COL4A5: variants seen among roughly 807,000 people sequenced by gnomAD.
COL4A5 encodes the protein collagen type IV alpha 5 chain.
In COL4A5, 26 loss-of-function variants were observed where a neutral mutation model predicts 130.2. The ratio of observed to expected loss-of-function variants is 0.20; its 90% CI spans 0.15 to 0.28. The LOEUF (loss-of-function observed/expected upper bound fraction) is 0.28, where lower values mean the gene tolerates loss of function less well. Ranked by LOEUF, COL4A5 falls within the 10% of genes least tolerant of loss-of-function variation. The pLI is 1.00. For missense variants in COL4A5, 1,131 were observed against 1,344.3 expected (o/e 0.84, Z 2.48); for synonymous variants, 496 against 439.6 (o/e 1.13, Z -1.60).
At chrX:108,562,856 C>T (rs985833357) in intron 3 of COL4A5, among the ~76,000 whole-genome samples, 17 of 111,566 alleles carry the variant, frequency 1.5e-4, no homozygotes, top group Non-Finnish European at 2.6e-4. Flanking sequence ...ACGTTCATGT[C>T]ACTCAAGTTA....
In COL4A5 at chrX:108,655,311, C is replaced by CT. The variant is rs748852419; in HGVS notation, c.3247-15dup. 1 of 1,207,058 alleles carries CT rather than the reference C, an allele frequency of 8.3e-7. No homozygotes were observed. The highest frequency in any genetic ancestry group is 2.2e-5 in the Admixed American group (1 of 45,896). On this transcript the variant is annotated intron_variant, in intron 36 of 52. Transcript: ENST00000328300. ...AGTCGTGTAGAGACTTCAGTATTAT[C>CT]TTTTTATTCGTGTTTTCAGGGTGAG...
chrX:108,473,611 A>G lies in COL4A5; in HGVS notation c.81+33405A>G, dbSNP rs1286054061. Among the ~76,000 whole-genome samples, 13 of 46,767 alleles carry G rather than the reference A, an allele frequency of 2.8e-4. 1 individual carries two copies. Among genetic ancestry groups the G allele is most frequent in the South Asian group, 1.9e-3 (2 of 1,080 alleles). The allele number at this position is 46,767 out of a possible 115,157, so 40.6% of individuals were successfully genotyped here. ...TATAAAGTTTTATATATATATATATATGTATATATATATATATATATATTT... is the reference window on the plus strand; with the variant it reads ...TATAAAGTTTTATATATATATATATGTGTATATATATATATATATATATTT... On this transcript the variant is annotated intron_variant, in intron 1 of 52. Transcript: ENST00000328300.
chrX:108,647,746 G>C (rs1229842181), intron 36 of COL4A5, among the ~76,000 whole-genome samples: 1 of 111,635 alleles, frequency 9.0e-6, no homozygotes, highest in Non-Finnish European at 1.9e-5. Flanking sequence ...ATTATTTTGA[G>C]ATACATCCCA....
intron 37 of COL4A5, among the ~76,000 whole-genome samples, chrX:108,663,961 C>A: frequency 9.0e-6 from 1 of 111,596 alleles, no homozygotes; most frequent in Middle Eastern, 4.6e-3. Context: ...CTGAGGCGGG[C>A]AGATCACGAG....
intron 36 of COL4A5, among the ~76,000 whole-genome samples, chrX:108,638,457 C>T (rs774402863): frequency 1.8e-5 from 2 of 110,893 alleles, no homozygotes; most frequent in Non-Finnish European, 3.8e-5. Flanking sequence ...ATGAAAAAAC[C>T]CACAGCTAAC....
rs374223363 is a variant in COL4A5, at chrX:108,449,194, T to C, written c.81+8988T>C. ...CTGCCCTGCGTCTGGCCAAAACACA[T>C]TGCTACCTAGAAAAGTTGGAGGGTG... is the stretch of plus-strand genomic sequence containing the variant. On this transcript the variant is annotated intron_variant, in intron 1 of 52. Coordinates refer to ENST00000328300, the MANE Select transcript of COL4A5 (RefSeq NM_033380.3). 9.8e-5 allele frequency among the ~76,000 whole-genome samples: 11 copies of C among 111,691 alleles called. No homozygotes were observed. The East Asian group carries it at 2.8e-3, about 28-fold the overall frequency.
chrX:108,695,832 T>G, intron 52 of COL4A5: 1 of 245,574 alleles, frequency 4.1e-6, no homozygotes, highest in South Asian at 5.2e-5. Context: ...TTTAAGGGTT[T>G]GAATGAGCAA....
intron 36 of COL4A5, among the ~76,000 whole-genome samples, chrX:108,645,930 A>G: frequency 9.0e-6 from 1 of 111,093 alleles, no homozygotes; most frequent in Non-Finnish European, 1.9e-5. Flanking sequence ...TAATGGCTGC[A>G]TAGTATTCCA....
intron 6 of COL4A5, among the ~76,000 whole-genome samples, chrX:108,570,636 A>G (rs2066049387): frequency 2.7e-5 from 3 of 111,872 alleles, no homozygotes; most frequent in African/African-American, 9.7e-5. Flanking sequence ...TGTCTTTTAA[A>G]CTTGATGTCT....
At chrX:108,521,306 C>T (rs764608140) in intron 1 of COL4A5, among the ~76,000 whole-genome samples, 19 of 110,859 alleles carry the variant, frequency 1.7e-4, no homozygotes, top group Non-Finnish European at 3.4e-4. Flanking sequence ...TTTCATGTCT[C>T]TGTACATCCT....
chrX:108,551,014 C>T (rs187367412), intron 2 of COL4A5, among the ~76,000 whole-genome samples: 32 of 111,445 alleles, frequency 2.9e-4, no homozygotes, highest in East Asian at 1.4e-3. Flanking sequence ...TAAAGACTTA[C>T]GTGTAAGACC....
intron 1 of COL4A5, among the ~76,000 whole-genome samples, chrX:108,530,392 A>G (rs937831986): frequency 9.1e-6 from 1 of 110,011 alleles, no homozygotes; most frequent in Non-Finnish European, 1.9e-5. Context: ...GCACAGCAAA[A>G]GAAACTACCA....
At chrX:108,483,968 C>T (rs1285804835) in intron 1 of COL4A5, among the ~76,000 whole-genome samples, 5 of 111,961 alleles carry the variant, frequency 4.5e-5, no homozygotes, top group African/African-American at 1.6e-4. Flanking sequence ...GATTATTAGA[C>T]TTTATCTTGT....
chrX:108,626,693 C>A, intron 36 of COL4A5: 1 of 940,616 alleles, frequency 1.1e-6, no homozygotes, highest in Non-Finnish European at 1.3e-6. Flanking sequence ...TTATTATTAA[C>A]TAATTTGAAA....
chrX:108,666,984 C>A, intron 39 of COL4A5, 149 bp from the exon 40 acceptor site: 1 of 510,873 alleles, frequency 2.0e-6, no homozygotes, highest in Non-Finnish European at 3.5e-6. Context: ...AATTGCAGTT[C>A]TGTGTTGGAA....
intron 1 of COL4A5, among the ~76,000 whole-genome samples, chrX:108,455,443 AG>A (rs1378585960): frequency 1.8e-5 from 2 of 112,373 alleles, no homozygotes; most frequent in Non-Finnish European, 3.8e-5. Context: ...CAGTGATCTT[AG>A]GTGAACAGCT....
intron 1 of COL4A5, among the ~76,000 whole-genome samples, chrX:108,486,520 C>T (rs1047028285): frequency 1.1e-4 from 12 of 111,201 alleles, no homozygotes; most frequent in Non-Finnish European, 1.5e-4. Context: ...ACCCATCACC[C>T]GAGCAGTGTA....
chrX:108,451,981 C>T (rs1322524815), intron 1 of COL4A5, among the ~76,000 whole-genome samples: 1 of 111,496 alleles, frequency 9.0e-6, no homozygotes, highest in African/African-American at 3.3e-5. Context: ...GTCTTTAATC[C>T]ATCTTGAATT....
chrX:108,652,077 C>A (rs2067742054), intron 36 of COL4A5, among the ~76,000 whole-genome samples: 1 of 111,368 alleles, frequency 9.0e-6, no homozygotes, highest in African/African-American at 3.3e-5. Context: ...GGATAGATTT[C>A]ATGTTAAGTG....
Sources: allele counts gnomAD v4.1 joint callset (sites outside exome capture counted in the v4.1 genomes callset), GRCh38; gene constraint gnomAD v4.1.1; transcripts MANE v1.5; gene names NCBI Gene and HGNC (gene_info 2026-07-23, HGNC 2026-07-21).